The following NRXN3 variants were observed in gnomAD, a reference collection of about 807,000 sequenced individuals.
The protein encoded by NRXN3 is neurexin III.
A neutral mutation model predicts 137.6 loss-of-function variants in NRXN3; 32 were observed. The ratio of observed to expected loss-of-function variants is 0.23; its 90% CI spans 0.18 to 0.31. The LOEUF (loss-of-function observed/expected upper bound fraction) is 0.31. Among genes scored for constraint, NRXN3 ranks in the 10% least tolerant of loss-of-function variants. The pLI, the probability that NRXN3 is intolerant of heterozygous loss-of-function variation, is 1.00. For missense variants in NRXN3, 1,574 were observed against 2,062.5 expected (o/e 0.76, Z 4.59); for synonymous variants, 798 against 784.5 (o/e 1.02, Z -0.29).
chr14:79,634,430 AAAT>A (rs1452270328), intron 16 of NRXN3, among the ~76,000 whole-genome samples: 1 of 152,210 alleles, frequency 6.6e-6, no homozygotes. Context: ...GTTCAAGTGA[AAAT>A]AATGTCTTTA....
chr14:79,218,206 C>T (rs148426547), intron 15 of NRXN3, among the ~76,000 whole-genome samples: 3 of 152,100 alleles, frequency 2.0e-5, no homozygotes, highest in African/African-American at 7.2e-5. Context: ...TTGAAACATT[C>T]CTTTGTATAA....
intron 17 of NRXN3, among the ~76,000 whole-genome samples, chr14:79,680,125 A>G (rs936900630): frequency 2.6e-5 from 4 of 152,126 alleles, no homozygotes; most frequent in African/African-American, 9.7e-5. Context: ...ACTCTTCTCA[A>G]TGAGTTTAAA....
chr14:79,658,729 G>C (rs767047849), intron 16 of NRXN3, among the ~76,000 whole-genome samples: 1 of 152,126 alleles, frequency 6.6e-6, no homozygotes, highest in Non-Finnish European at 1.5e-5. Flanking sequence ...CCCACAAGAG[G>C]CATTATTTAC....
chr14:79,376,253 TATATATATATATAC>T (rs1275688774), intron 15 of NRXN3, among the ~76,000 whole-genome samples: 959 of 57,824 alleles, frequency 0.017, 19 homozygotes, highest in Non-Finnish European at 0.026. Context: ...TATATATATA[TATATATATATATAC>T]ACATACATAT....
chr14:78,417,393 C>A (rs1293471343), intron 4 of NRXN3, among the ~76,000 whole-genome samples: 1 of 152,278 alleles, frequency 6.6e-6, no homozygotes, highest in East Asian at 1.9e-4. Flanking sequence ...GAAGATGCAC[C>A]ACAAACATGC....
At chr14:78,286,191 A>C (rs1283629102) in intron 3 of NRXN3, among the ~76,000 whole-genome samples, 2 of 152,072 alleles carry the variant, frequency 1.3e-5, no homozygotes, top group Non-Finnish European at 2.9e-5. Flanking sequence ...CCTGCCCCTG[A>C]CCCTGCCAAA....
At chr14:79,158,722 G>A (rs1278205235) in intron 15 of NRXN3, among the ~76,000 whole-genome samples, 1 of 151,708 alleles carries the variant, frequency 6.6e-6, no homozygotes, top group Non-Finnish European at 1.5e-5. Flanking sequence ...AGCTCCATCG[G>A]GTTCAAGACA....
chr14:79,327,245 G>C (rs2153293250), intron 15 of NRXN3, among the ~76,000 whole-genome samples: 1 of 152,254 alleles, frequency 6.6e-6, no homozygotes, highest in African/African-American at 2.4e-5. Context: ...CCGTAGCTTG[G>C]AGGAGCCTAT....
At chr14:79,301,367 G>T (rs976026321) in intron 15 of NRXN3, among the ~76,000 whole-genome samples, 10 of 151,988 alleles carry the variant, frequency 6.6e-5, no homozygotes, top group African/African-American at 2.2e-4. Context: ...TTCATCGGCA[G>T]CTGTCTTACT....
rs1332674817 is a variant in NRXN3 at position 79,629,551 on chromosome 14, G to C, written c.3445-34227G>C. On this transcript the variant is annotated intron_variant, in intron 16 of 20. Transcript: ENST00000335750. The stretch of plus-strand genomic sequence containing the variant: ...AGGGTATCTGTGAATCATGGTGGGG[G>C]GTAGGGTTGGGGACTAGAATTTAAT... Among the ~76,000 whole-genome samples the C allele has an allele frequency of 2.0e-5, 3 of 152,120 alleles. No individual in the cohort carries two copies. The East Asian group carries it at 5.8e-4, about 29-fold the overall frequency.
chr14:78,678,370 C>G (rs1050254730), intron 6 of NRXN3, among the ~76,000 whole-genome samples: 2 of 148,208 alleles, frequency 1.3e-5, no homozygotes, highest in Non-Finnish European at 3.0e-5. Context: ...CCAGGCTAGT[C>G]TTGAACTCCC....
At chr14:79,212,008 T>C (rs548775562) in intron 15 of NRXN3, among the ~76,000 whole-genome samples, 1 of 152,330 alleles carries the variant, frequency 6.6e-6, no homozygotes, top group East Asian at 1.9e-4. Context: ...CTGATATTTT[T>C]CTTTTTCCTT....
At chr14:79,849,288 A>G (rs1004107841) in intron 20 of NRXN3, among the ~76,000 whole-genome samples, 1 of 152,222 alleles carries the variant, frequency 6.6e-6, no homozygotes, top group Non-Finnish European at 1.5e-5. Flanking sequence ...ACTTCTTCAC[A>G]GCAAAGAAAT....
intron 8 of NRXN3, among the ~76,000 whole-genome samples, chr14:78,789,192 G>C (rs1178184833): frequency 6.6e-6 from 1 of 152,182 alleles, no homozygotes; most frequent in East Asian, 1.9e-4. Flanking sequence ...TAAAAAGCAA[G>C]TCTGATCATG....
At chr14:79,615,295 T>C (rs1248507726) in intron 16 of NRXN3, among the ~76,000 whole-genome samples, 1 of 152,156 alleles carries the variant, frequency 6.6e-6, no homozygotes, top group African/African-American at 2.4e-5. Flanking sequence ...CTAAGTAATT[T>C]AGAAGATATT....
intron 14 of NRXN3, among the ~76,000 whole-genome samples, chr14:78,980,749 C>G (rs1192950722): frequency 6.6e-6 from 1 of 152,036 alleles, no homozygotes; most frequent in African/African-American, 2.4e-5. Flanking sequence ...TCCAGCAAAC[C>G]AAAAGCAGGG....
intron 4 of NRXN3, among the ~76,000 whole-genome samples, chr14:78,438,109 G>A (rs2094132406): frequency 6.6e-6 from 1 of 152,060 alleles, no homozygotes; most frequent in African/African-American, 2.4e-5. Context: ...AAAATTGACA[G>A]GATATGGTAG....
chr14:79,134,006 G>T (rs545576090), intron 15 of NRXN3, among the ~76,000 whole-genome samples: 1 of 151,760 alleles, frequency 6.6e-6, no homozygotes, highest in Non-Finnish European at 1.5e-5. Flanking sequence ...GTAAATATGT[G>T]TGACAACCAG....
At chr14:79,498,197 A>G (rs1238871280) in intron 16 of NRXN3, among the ~76,000 whole-genome samples, 1 of 152,220 alleles carries the variant, frequency 6.6e-6, no homozygotes, top group Non-Finnish European at 1.5e-5. Context: ...AAAATAGATG[A>G]AAGTTAAACA....
Sources: allele counts gnomAD v4.1 joint callset (sites outside exome capture counted in the v4.1 genomes callset), GRCh38; gene constraint gnomAD v4.1.1; transcripts MANE v1.5; gene names NCBI Gene and HGNC (gene_info 2026-07-23, HGNC 2026-07-21).